Variants in FHOD3 observed in about 807,000 individuals in gnomAD.
FHOD3 encodes the protein FH1/FH2 domain-containing protein 3.
In FHOD3, 90 loss-of-function variants were observed where a neutral mutation model predicts 173.0. That is an observed-to-expected ratio of 0.52 (90% confidence interval 0.44 to 0.62). FHOD3 has a LOEUF of 0.62. Among genes scored for constraint, FHOD3 ranks in the 20% least tolerant of loss-of-function variants. The pLI is 0.00. For synonymous variants in FHOD3, 828 were observed against 823.0 expected, an observed-to-expected ratio of 1.01 and a Z score of -0.10; for missense variants, 1,945 against 2,034.7, an observed-to-expected ratio of 0.96 and a Z score of 0.85.
chr18:36,298,118 G>A lies in FHOD3; in HGVS notation c.165+118G>A, dbSNP rs1258575254. 13 of 954,948 alleles carry A rather than the reference G, an allele frequency of 1.4e-5. No homozygotes were observed. The South Asian group carries it at 1.8e-4, about 13-fold the overall frequency. 59.2% of individuals were successfully genotyped at this position (954,948 alleles called of 1,614,324 possible). On this transcript the variant is annotated intron_variant, in intron 1 of 28. Coordinates refer to ENST00000590592, the MANE Select transcript of FHOD3 (RefSeq NM_001281740.3). ...GGCTGGGCTGGGCGCGGCCCGGGGGGACCATCGCTCGAGGGCAAATCCCCC... is the reference window on the plus strand; with the variant it reads ...GGCTGGGCTGGGCGCGGCCCGGGGGAACCATCGCTCGAGGGCAAATCCCCC...
intron 9 of FHOD3, among the ~76,000 whole-genome samples, chr18:36,614,952 G>A (rs900678106): frequency 4.9e-5 from 7 of 144,082 alleles, no homozygotes; most frequent in Non-Finnish European, 8.9e-5. Flanking sequence ...CCAGGTTCAA[G>A]CGATTCCCCT....
intron 18 of FHOD3, among the ~76,000 whole-genome samples, chr18:36,716,948 G>GTGTGTA (rs1429969987): frequency 2.0e-5 from 3 of 151,380 alleles, no homozygotes; most frequent in Non-Finnish European, 2.9e-5. Flanking sequence ...GTGTGTGTGT[G>GTGTGTA]TGTGTATGTG....
At chr18:36,561,483 A>G (rs1285147564) in intron 5 of FHOD3, among the ~76,000 whole-genome samples, 1 of 151,914 alleles carries the variant, frequency 6.6e-6, no homozygotes, top group Non-Finnish European at 1.5e-5. Context: ...TGCGTTTATG[A>G]TTTTCTGCTG....
intron 14 of FHOD3, 99 bp from the exon 15 acceptor site, chr18:36,681,337 C>A: frequency 7.0e-7 from 1 of 1,431,522 alleles, no homozygotes; most frequent in Non-Finnish European, 9.5e-7. Flanking sequence ...GCCTAGGTAC[C>A]GGCAGACCCT....
In FHOD3 at chr18:36,513,707, C is replaced by T. The variant is rs556452697; in HGVS notation, c.511+1164C>T. Reference sequence around the variant, plus strand: ...TTTTCCAGCCAATCAGAGCCTTCATCCCTCTTTCCCCTCTTCTGTAGAGCC... The same window carrying T: ...TTTTCCAGCCAATCAGAGCCTTCATTCCTCTTTCCCCTCTTCTGTAGAGCC... On this transcript the variant is annotated intron_variant, in intron 5 of 28. Coordinates refer to ENST00000590592, the MANE Select transcript of FHOD3 (RefSeq NM_001281740.3). 4.3e-4 allele frequency among the ~76,000 whole-genome samples: 66 copies of T among 152,056 alleles called. 1 individual carries two copies. In the South Asian group the frequency reaches 0.01, roughly 24 times the overall value.
At chr18:36,675,924 C>T (rs530812073) in intron 14 of FHOD3, among the ~76,000 whole-genome samples, 24 of 152,230 alleles carry the variant, frequency 1.6e-4, no homozygotes, top group Admixed American at 1.5e-3. Context: ...AATTCTAGAA[C>T]TGGATCTAAC....
At chr18:36,443,611 A>G (rs2051278632) in intron 3 of FHOD3, among the ~76,000 whole-genome samples, 2 of 152,294 alleles carry the variant, frequency 1.3e-5, no homozygotes, top group East Asian at 1.9e-4. Flanking sequence ...CTAAGGAGCC[A>G]TGTTTCCTTT....
intron 19 of FHOD3, among the ~76,000 whole-genome samples, chr18:36,720,741 C>T (rs1248150946): frequency 6.6e-6 from 1 of 150,452 alleles, no homozygotes; most frequent in East Asian, 1.9e-4. Context: ...TTCTTCTCCT[C>T]CTCCTTCTTC....
intron 10 of FHOD3, among the ~76,000 whole-genome samples, chr18:36,627,829 C>T (rs1318951334): frequency 6.6e-6 from 1 of 152,216 alleles, no homozygotes; most frequent in African/African-American, 2.4e-5. Context: ...ACCTGCTCAA[C>T]ATCTGTGCCT....
chr18:36,763,881 G>T (rs572964256), intron 27 of FHOD3, among the ~76,000 whole-genome samples: 2 of 152,244 alleles, frequency 1.3e-5, no homozygotes, highest in South Asian at 2.1e-4. Context: ...TTACATCAAA[G>T]AATTAAAGAT....
At chr18:36,351,818 C>T (rs2046139321) in intron 1 of FHOD3, among the ~76,000 whole-genome samples, 1 of 152,192 alleles carries the variant, frequency 6.6e-6, no homozygotes, top group Non-Finnish European at 1.5e-5. Context: ...GGAATAAAAT[C>T]TGAAGATGCG....
chr18:36,675,136 C>A (rs2149348915), intron 14 of FHOD3, among the ~76,000 whole-genome samples: 1 of 152,210 alleles, frequency 6.6e-6, no homozygotes, highest in East Asian at 1.9e-4. Context: ...TCCTGCACAC[C>A]TAGGGAAGGC....
chr18:36,769,349 T>C lies in FHOD3; in HGVS notation c.4709T>C (p.Val1570Ala), dbSNP rs748406356. 5.0e-6 allele frequency: 8 copies of C among 1,614,014 alleles called. No individual in the cohort carries two copies. Among genetic ancestry groups the C allele is most frequent in the Non-Finnish European group, 6.8e-6 (8 of 1,180,030 alleles). ...GCTGATGAGATCATGGACCGCATCGTCAAGTCAGCCACCCAAGTGCCCAGT... is the reference window on the plus strand; with the variant it reads ...GCTGATGAGATCATGGACCGCATCGCCAAGTCAGCCACCCAAGTGCCCAGT... ...DAADEIMDRIVKSATQVPSQR... is the reference protein window; with the variant it reads ...DAADEIMDRIAKSATQVPSQR... Residue 1570 changes from valine to alanine, a missense_variant, in exon 28 of 29, where the codon GTC becomes GCC. Around this residue, in one of 5 missense-constraint regions of FHOD3, gnomAD observed 354 missense variants for 359.9 expected, o/e 0.98. Transcript: ENST00000590592.
At chr18:36,534,447 A>G (rs2056910609) in intron 5 of FHOD3, among the ~76,000 whole-genome samples, 2 of 152,112 alleles carry the variant, frequency 1.3e-5, no homozygotes, top group Non-Finnish European at 2.9e-5. Flanking sequence ...TGACTGGCAG[A>G]GGTGGGACTA....
At chr18:36,779,229 G>A in intron 28 of FHOD3, 1 of 567,548 alleles carries the variant, frequency 1.8e-6, no homozygotes. Flanking sequence ...AGCACCTGTG[G>A]CATTGTTAGG....
At position 36,641,344 on chromosome 18, in the gene FHOD3, C is replaced by T. The variant is rs549772267; in HGVS notation, c.1197-7972C>T. On this transcript the variant is annotated intron_variant, in intron 10 of 28. Transcript: ENST00000590592. Reference sequence around the variant, plus strand: ...AGGTTCACGAAGGGAAAGTGGAAGACGAAGTTGGAGAGGTGATAAGAGATT... The same window carrying T: ...AGGTTCACGAAGGGAAAGTGGAAGATGAAGTTGGAGAGGTGATAAGAGATT... Among the ~76,000 whole-genome samples, 20 of 152,174 alleles carry T rather than the reference C, an allele frequency of 1.3e-4. No individual in the cohort carries two copies. In the South Asian group the frequency reaches 2.7e-3, roughly 21 times the overall value.
chr18:36,773,414 C>A (rs564211804), intron 28 of FHOD3, among the ~76,000 whole-genome samples: 1 of 152,168 alleles, frequency 6.6e-6, no homozygotes, highest in Non-Finnish European at 1.5e-5. Flanking sequence ...TGCACCTGAC[C>A]GAAGGATGTT....
Position 36,694,950 on chromosome 18 carries a change from G to GA in FHOD3, c.2236+1531dup, listed in dbSNP as rs1157927208. Among the ~76,000 whole-genome samples, 4 of 151,502 alleles carry GA rather than the reference G, an allele frequency of 2.6e-5. No homozygotes were observed. The East Asian group carries it at 7.8e-4, about 30-fold the overall frequency. Reference sequence around the variant, plus strand: ...ATATTTCAGCTTCAGTAAGAATACAGAAAATAGTCATTTCATGTATACGTG... The same window carrying GA: ...ATATTTCAGCTTCAGTAAGAATACAGAAAAATAGTCATTTCATGTATACGTG... On this transcript the variant is annotated intron_variant, in intron 17 of 28. Coordinates refer to ENST00000590592, the MANE Select transcript of FHOD3 (RefSeq NM_001281740.3).
chr18:36,353,701 T>C (rs1167212952), intron 1 of FHOD3, among the ~76,000 whole-genome samples: 1 of 152,188 alleles, frequency 6.6e-6, no homozygotes, highest in Non-Finnish European at 1.5e-5. Flanking sequence ...TTGGTAAAAT[T>C]ATTTTTCTCT....
Sources: gnomAD v4.1 joint callset for allele counts (sites outside exome capture counted in the v4.1 genomes callset) on GRCh38, gnomAD v4.1.1 for gene constraint, gnomAD v4.1.1 regional missense constraint, MANE v1.5 for transcripts, NCBI Gene and HGNC (gene_info 2026-07-23, HGNC 2026-07-21) for gene names.